Variants in MAGI1 observed in about 807,000 individuals in gnomAD.
MAGI1 encodes the protein membrane associated guanylate kinase, WW and PDZ domain containing 1, also known as membrane-associated guanylate kinase, WW and PDZ domain-containing protein 1.
Under a neutral mutation model 139.9 loss-of-function variants are expected in MAGI1, and 58 were observed. The observed-to-expected ratio is 0.41, with a 90% CI of 0.34 to 0.52. MAGI1 has a LOEUF of 0.52. Among genes scored for constraint, MAGI1 ranks in the 20% least tolerant of loss-of-function variants. The probability of loss-of-function intolerance (pLI) is 0.12; values close to 1 mark genes in which losing one functional copy is unlikely to be tolerated. For synonymous variants in MAGI1, 812 were observed against 737.9 expected (o/e 1.10, Z -1.63); for missense variants, 1,874 against 1,901.6 (o/e 0.99, Z 0.27).
At chr3:65,371,903 C>G (rs949670862) in intron 18 of MAGI1, 1 of 448,914 alleles carries the variant, frequency 2.2e-6, no homozygotes, top group Non-Finnish European at 4.5e-6. Context: ...ACTTCTCTTG[C>G]TATTTCCACC....
chr3:65,571,909 A>AT (rs2080976552), intron 2 of MAGI1, among the ~76,000 whole-genome samples: 2 of 152,098 alleles, frequency 1.3e-5, no homozygotes, highest in Non-Finnish European at 2.9e-5. Context: ...GCTTTAACTC[A>AT]TTTTTTCAGT....
intron 1 of MAGI1, among the ~76,000 whole-genome samples, chr3:65,951,146 T>G (rs2063843856): frequency 6.6e-6 from 1 of 152,182 alleles, no homozygotes; most frequent in South Asian, 2.1e-4. Context: ...TGAATTTATG[T>G]TGGGCCGCAT....
At chr3:65,992,991 TG>T (rs1210138676) in intron 1 of MAGI1, among the ~76,000 whole-genome samples, 1 of 151,950 alleles carries the variant, frequency 6.6e-6, no homozygotes, top group Non-Finnish European at 1.5e-5. Context: ...TGCCTGGCTA[TG>T]TTTTTTTTAA....
intron 1 of MAGI1, among the ~76,000 whole-genome samples, chr3:65,734,646 T>C (rs1402779747): frequency 6.6e-6 from 1 of 151,792 alleles, no homozygotes; most frequent in Non-Finnish European, 1.5e-5. Flanking sequence ...AAATCTCTAT[T>C]TCAACAGCAT....
chr3:65,678,912 T>C (rs1285463034), intron 1 of MAGI1, among the ~76,000 whole-genome samples: 3 of 152,224 alleles, frequency 2.0e-5, no homozygotes, highest in Non-Finnish European at 4.4e-5. Flanking sequence ...ATGGTGATTT[T>C]CTATCCGCAT....
chr3:65,851,369 T>C (rs1575706267), intron 1 of MAGI1, among the ~76,000 whole-genome samples: 2 of 152,290 alleles, frequency 1.3e-5, no homozygotes, highest in South Asian at 4.1e-4. Context: ...TCCCACACAA[T>C]GACTTATGAG....
At chr3:65,727,213 G>A (rs562629646) in intron 1 of MAGI1, among the ~76,000 whole-genome samples, 1 of 152,242 alleles carries the variant, frequency 6.6e-6, no homozygotes, top group South Asian at 2.1e-4. Flanking sequence ...TGATACTGTT[G>A]TAATTCAACA....
intron 1 of MAGI1, among the ~76,000 whole-genome samples, chr3:65,673,214 A>G (rs1420633804): frequency 6.6e-6 from 1 of 152,076 alleles, no homozygotes; most frequent in Non-Finnish European, 1.5e-5. Context: ...GCTCTTAAAC[A>G]TTTCTCCTAA....
intron 2 of MAGI1, among the ~76,000 whole-genome samples, chr3:65,536,264 A>G (rs113371835): frequency 1.5e-4 from 23 of 152,288 alleles, no homozygotes; most frequent in African/African-American, 5.5e-4. Context: ...CCTTTGTATA[A>G]TAACTCCTAG....
intron 10 of MAGI1, among the ~76,000 whole-genome samples, chr3:65,435,279 GA>G (rs1477146907): frequency 6.6e-6 from 1 of 152,042 alleles, no homozygotes; most frequent in Non-Finnish European, 1.5e-5. Context: ...AAAAGAAAAA[GA>G]AAAAAAGGCT....
chr3:65,512,917 G>A (rs1238658079), intron 2 of MAGI1, among the ~76,000 whole-genome samples: 2 of 149,880 alleles, frequency 1.3e-5, no homozygotes, highest in African/African-American at 4.9e-5. Context: ...ATAAAATACT[G>A]GCAAAACGAA....
chr3:65,834,177 G>A (rs1334813796), intron 1 of MAGI1, among the ~76,000 whole-genome samples: 1 of 152,206 alleles, frequency 6.6e-6, no homozygotes, highest in African/African-American at 2.4e-5. Flanking sequence ...AAAGTAAGAG[G>A]AGGTAGGAAC....
At chr3:65,631,573 T>C (rs913646490) in intron 1 of MAGI1, among the ~76,000 whole-genome samples, 8 of 149,506 alleles carry the variant, frequency 5.4e-5, no homozygotes, top group African/African-American at 1.5e-4. Context: ...TTTGGAGATA[T>C]TGAAACAAAA....
At chr3:65,740,014 G>A (rs550070297) in intron 1 of MAGI1, among the ~76,000 whole-genome samples, 1 of 151,872 alleles carries the variant, frequency 6.6e-6, no homozygotes, top group Non-Finnish European at 1.5e-5. Flanking sequence ...AAAAAATGCA[G>A]TATCTGCAAA....
intron 1 of MAGI1, among the ~76,000 whole-genome samples, chr3:65,889,262 A>G (rs1331569179): frequency 6.6e-6 from 1 of 152,160 alleles, no homozygotes; most frequent in Non-Finnish European, 1.5e-5. Context: ...TAATCATCTG[A>G]TATGTAGGAG....
At chr3:65,917,571 TG>T in intron 1 of MAGI1, among the ~76,000 whole-genome samples, 1 of 152,328 alleles carries the variant, frequency 6.6e-6, no homozygotes, top group Middle Eastern at 3.4e-3. Flanking sequence ...AAAAGAACTA[TG>T]GTACATCTAG....
At chr3:65,951,702 A>G (rs2063870850) in intron 1 of MAGI1, among the ~76,000 whole-genome samples, 1 of 152,218 alleles carries the variant, frequency 6.6e-6, no homozygotes, top group Admixed American at 6.5e-5. Context: ...TGGACAGAAC[A>G]GCTCTAGAGA....
At chr3:65,755,348 C>A (rs2036483074) in intron 1 of MAGI1, among the ~76,000 whole-genome samples, 1 of 152,210 alleles carries the variant, frequency 6.6e-6, no homozygotes, top group Admixed American at 6.5e-5. Context: ...AAGCTTAAGT[C>A]ATTCAGACAT....
intron 1 of MAGI1, among the ~76,000 whole-genome samples, chr3:65,650,145 C>A (rs946450048): frequency 6.6e-6 from 1 of 152,178 alleles, no homozygotes. Flanking sequence ...GTCTGCATTG[C>A]ACCTCATGCT....
Sources: allele counts gnomAD v4.1 joint callset (sites outside exome capture counted in the v4.1 genomes callset), GRCh38; gene constraint gnomAD v4.1.1; transcripts MANE v1.5; gene names NCBI Gene and HGNC (gene_info 2026-07-23, HGNC 2026-07-21).